The following TAF1 variants were observed in gnomAD, a reference collection of about 807,000 sequenced individuals.
The protein encoded by TAF1 is TATA-box binding protein associated factor 1, also known as transcription initiation factor TFIID subunit 1.
In TAF1, 2 loss-of-function variants were observed where a neutral mutation model predicts 138.5. That is an observed-to-expected ratio of 0.01 (90% CI 0.01 to 0.05). The LOEUF is 0.05. Among genes scored for constraint, TAF1 ranks in the 10% least tolerant of loss-of-function variants. The probability of loss-of-function intolerance (pLI) is 1.00; values close to 1 mark genes in which losing one functional copy is unlikely to be tolerated. For synonymous variants in TAF1, 437 were observed against 503.2 expected (o/e 0.87, Z 1.76); for missense variants, 709 against 1,478.0 (o/e 0.48, Z 8.53).
chrX:71,366,521 C>T, intron 1 of TAF1, 27 bp downstream of exon 1: 4 of 641,985 alleles, frequency 6.2e-6, no homozygotes, highest in South Asian at 6.9e-5. Flanking sequence ...GGGGGTAGGG[C>T]TCGGGGGGTG....
chrX:71,381,863 G>A lies in TAF1; in HGVS notation c.1481G>A (p.Arg494Gln), dbSNP rs765180605. Residue 494 changes from arginine to glutamine, a missense_variant, in exon 9 of 38, where the codon CGG (arginine) becomes CAG (glutamine). Coordinates refer to ENST00000423759, the MANE Select transcript of TAF1 (RefSeq NM_004606.5). ...NIIWDAQAMP[R>Q]LLEPPVLTLD... ...ATTTGGGATGCTCAGGCCATGCCCC[G>A]GCTGTTGGAACCTCCTGTTTTGACA... is the stretch of plus-strand genomic sequence containing the variant. 5.9e-6 allele frequency: 7 copies of A among 1,181,122 alleles called. No individual in the cohort carries two copies. The highest frequency in any genetic ancestry group is 3.6e-5 in the African/African-American group (2 of 56,068).
rs1406354590 is a variant in TAF1 at position 71,463,862 on chromosome X, C to T, written c.5438C>T (p.Thr1813Ile). 3 of 1,210,930 alleles carry T rather than the reference C, an allele frequency of 2.5e-6. No individual in the cohort carries two copies. In the Admixed American group the frequency reaches 6.5e-5, roughly 26 times the overall value. The change falls in exon 38 of 38, where the codon ACC becomes ATC. Residue 1813 changes from threonine (T) to isoleucine (I), a missense_variant. Physicochemically the swap from Thr to Ile is moderately conservative, Grantham distance 89. Around this residue, in one of 14 missense-constraint regions of TAF1, gnomAD observed 123 missense variants for 174.7 expected, o/e 0.70. Transcript: ENST00000423759. The part of the protein sequence containing the change: ...SYEEPDPKSN[T>I]QDTSFSSIGG... ...GAGGAGCCTGATCCCAAGTCGAACA[C>T]CCAAGACACAAGCTTCAGCAGCATC... is the stretch of plus-strand genomic sequence containing the variant.
chrX:71,390,509 T>C (rs1258300350), intron 18 of TAF1, among the ~76,000 whole-genome samples: 1 of 111,354 alleles, frequency 9.0e-6, no homozygotes, highest in African/African-American at 3.3e-5. Context: ...ATTATGTACA[T>C]ATAGTACCCC....
chrX:71,513,308 G>A (rs1227227055), intron 13 of TAF1, among the ~76,000 whole-genome samples: 2 of 111,799 alleles, frequency 1.8e-5, no homozygotes, highest in East Asian at 2.8e-4. Context: ...GGACACAGGG[G>A]GATGGGTGGA....
At chrX:71,503,312 A>ATGTGTG (rs1569408375) in intron 13 of TAF1, among the ~76,000 whole-genome samples, 1 of 93,509 alleles carries the variant, frequency 1.1e-5, no homozygotes, top group African/African-American at 4.5e-5. Context: ...ATATATATAT[A>ATGTGTG]TATATATATG....
At chrX:71,429,968 TAGGGACTACTC>T (rs2036794413) in intron 32 of TAF1, among the ~76,000 whole-genome samples, 1 of 111,925 alleles carries the variant, frequency 8.9e-6, no homozygotes, top group Non-Finnish European at 1.9e-5. Flanking sequence ...ACTTCACTTC[TAGGGACTACTC>T]CACACAAGTT....
At chrX:71,478,123 C>T (rs2039010335) in intron 13 of TAF1, among the ~76,000 whole-genome samples, 1 of 107,612 alleles carries the variant, frequency 9.3e-6, no homozygotes, top group Non-Finnish European at 1.9e-5. Context: ...TGGCTGAGGC[C>T]GGCAGATCAC....
Position 71,435,531 on chromosome X carries a change from T to TC in TAF1, c.4753+11294dup, listed in dbSNP as rs746786574. On this transcript the variant is annotated intron_variant, in intron 32 of 37. Transcript: ENST00000423759. ...GAAGACTGCTATAATTGGCTTGCCT[T>TC]CAGCAGAAAGCCAGGGACAATTGTA... Among the ~76,000 whole-genome samples the TC allele has an allele frequency of 4.9e-3, 546 of 112,324 alleles. 3 individuals carry two copies. Among genetic ancestry groups the TC allele is most frequent in the Middle Eastern group, 9.3e-3 (2 of 216 alleles).
chrX:71,437,454 A>T lies in TAF1; in HGVS notation c.4753+13216A>T, dbSNP rs772602213. Among the ~76,000 whole-genome samples the T allele has an allele frequency of 6.4e-5, 7 of 109,469 alleles. No homozygotes were observed. In the South Asian group the frequency reaches 2.8e-3, roughly 43 times the overall value. ...CCAGGCTTGGTGGCTCACAACAGTA[A>T]TCCCAGCACTTTGGGAGGCTGAGGC... On this transcript the variant is annotated intron_variant, in intron 32 of 37. Coordinates refer to ENST00000423759, the MANE Select transcript of TAF1 (RefSeq NM_004606.5).
At chrX:71,369,502 A>T (rs1207265496) in intron 3 of TAF1, among the ~76,000 whole-genome samples, 2 of 112,163 alleles carry the variant, frequency 1.8e-5, no homozygotes, top group Non-Finnish European at 3.8e-5. Context: ...GATTTTATCA[A>T]AAGTAATACA....
chrX:71,379,189 C>A (rs933817147), intron 8 of TAF1, among the ~76,000 whole-genome samples, 158 bp downstream of exon 8: 16 of 102,024 alleles, frequency 1.6e-4, no homozygotes, highest in Non-Finnish European at 2.9e-4. Flanking sequence ...AGTCTCGGCT[C>A]ACTGCAACCT....
Position 71,367,547 on chromosome X carries a change from C to T in TAF1, c.169C>T (p.Leu57=), listed in dbSNP as rs748677650. Residue 57 remains leucine, a synonymous_variant, in exon 2 of 38, where the codon CTG becomes TTG. Coordinates refer to ENST00000423759, the MANE Select transcript of TAF1 (RefSeq NM_004606.5). ...CTTGGGGGCTTTGGGGCTGGGCAGCCTGATCACTGAACTCACGGCAAATGA... is the reference window on the plus strand; with the variant it reads ...CTTGGGGGCTTTGGGGCTGGGCAGCTTGATCACTGAACTCACGGCAAATGA... ...AGLGALGLGS[L]ITELTANEEL... is the part of the protein sequence containing the mutation. 122 of 1,209,787 alleles carry T rather than the reference C, an allele frequency of 1.0e-4. No homozygotes were observed. The East Asian group carries it at 3.5e-3, about 35-fold the overall frequency.
chrX:71,496,928 G>A (rs1487283980), intron 13 of TAF1, among the ~76,000 whole-genome samples: 4 of 112,051 alleles, frequency 3.6e-5, no homozygotes, highest in African/African-American at 1.3e-4. Flanking sequence ...TATTTAATGG[G>A]GGTTCCTTCA....
At chrX:71,478,196 A>G (rs1359886053) in intron 13 of TAF1, among the ~76,000 whole-genome samples, 3 of 110,515 alleles carry the variant, frequency 2.7e-5, no homozygotes, top group Middle Eastern at 4.6e-3. Flanking sequence ...TACAAAAAAT[A>G]CAAAAAAATT....
intron 28 of TAF1, among the ~76,000 whole-genome samples, chrX:71,411,015 TC>T (rs1467170274): frequency 9.3e-6 from 1 of 107,087 alleles, no homozygotes; most frequent in Non-Finnish European, 1.9e-5. Context: ...ACTCCTGACT[TC>T]AGGTGATCTG....
intron 13 of TAF1, among the ~76,000 whole-genome samples, chrX:71,487,403 A>G (rs1219602959): frequency 1.0e-5 from 1 of 99,673 alleles, no homozygotes; most frequent in Non-Finnish European, 2.0e-5. Flanking sequence ...GGCTCACTGC[A>G]AGCTCTGCCT....
chrX:71,408,962 C>A (rs1363746182), intron 28 of TAF1, among the ~76,000 whole-genome samples: 1 of 105,439 alleles, frequency 9.5e-6, no homozygotes, highest in Non-Finnish European at 1.9e-5. Flanking sequence ...TGTAGTGAGC[C>A]GAGATCGTGC....
chrX:71,417,651 AC>A (rs2036092575), intron 28 of TAF1, among the ~76,000 whole-genome samples: 1 of 111,579 alleles, frequency 9.0e-6, no homozygotes, highest in Admixed American at 9.5e-5. Context: ...GGCGTGAGCA[AC>A]CACCCCCGGC....
At chrX:71,442,203 A>G (rs1298018706) in intron 32 of TAF1, among the ~76,000 whole-genome samples, 1 of 112,247 alleles carries the variant, frequency 8.9e-6, no homozygotes, top group Non-Finnish European at 1.9e-5. Flanking sequence ...GCTAGGTCAA[A>G]TGGTATTTCT....
Sources: allele counts gnomAD v4.1 joint callset (sites outside exome capture counted in the v4.1 genomes callset), GRCh38; gene constraint gnomAD v4.1.1; regional missense constraint gnomAD v4.1.1; transcripts MANE v1.5; gene names NCBI Gene and HGNC (gene_info 2026-07-23, HGNC 2026-07-21).